The following ZC3H13 variants were observed in gnomAD, a reference collection of about 807,000 sequenced individuals.
ZC3H13 encodes the protein zinc finger CCCH-type containing 13.
In ZC3H13, 64 loss-of-function variants were observed where a neutral mutation model predicts 204.1. That is an observed-to-expected ratio of 0.31 (90% CI 0.26 to 0.39). The LOEUF is 0.39. Among genes scored for constraint, ZC3H13 ranks in the 10% least tolerant of loss-of-function variants. The pLI, the probability that ZC3H13 is intolerant of heterozygous loss-of-function variation, is 1.00. For synonymous variants in ZC3H13, 667 were observed against 693.7 expected (o/e 0.96, Z 0.60); for missense variants, 1,833 against 2,082.7 (o/e 0.88, Z 2.33).
intron 10 of ZC3H13, among the ~76,000 whole-genome samples, chr13:45,980,876 G>A (rs1289742610): frequency 6.6e-6 from 1 of 152,112 alleles, no homozygotes; most frequent in Non-Finnish European, 1.5e-5. Flanking sequence ...GCTACATACA[G>A]ACATACACCC....
intron 11 of ZC3H13, among the ~76,000 whole-genome samples, chr13:45,979,373 C>T (rs1953351299): frequency 6.6e-6 from 1 of 152,052 alleles, no homozygotes; most frequent in Non-Finnish European, 1.5e-5. Context: ...CAATCCCCAG[C>T]CCTATCATTC....
In ZC3H13 at chr13:45,957,169, T is replaced by C; in HGVS notation, c.4968A>G (p.Lys1656=). The part of the protein sequence containing the change: ...APGHEKTEDN[K]LSQSSIQQEL... Reference sequence around the variant, plus strand: ...CCTGTTGGATACTGGACTGTGAAAGTTTATTATCTTCAGTCTTTTCATGTC... The same window carrying C: ...CCTGTTGGATACTGGACTGTGAAAGCTTATTATCTTCAGTCTTTTCATGTC... Residue 1656 remains lysine, a synonymous_variant, in exon 19 of 19, where the codon AAA becomes AAG. Transcript: ENST00000679008. 1 of 1,547,366 alleles carries C rather than the reference T, an allele frequency of 6.5e-7. No individual in the cohort carries two copies. Among genetic ancestry groups the C allele is most frequent in the Non-Finnish European group, 8.7e-7 (1 of 1,145,336 alleles).
chr13:46,015,085 G>A (rs1566289083), intron 5 of ZC3H13, among the ~76,000 whole-genome samples: 1 of 152,084 alleles, frequency 6.6e-6, no homozygotes, highest in Admixed American at 6.6e-5. Context: ...TACATTGCTA[G>A]ACTGAAAATA....
At chr13:45,979,134 T>C (rs1457368198) in intron 11 of ZC3H13, among the ~76,000 whole-genome samples, 1 of 152,084 alleles carries the variant, frequency 6.6e-6, no homozygotes, top group African/African-American at 2.4e-5. Context: ...CTTCATAAAA[T>C]TTTTAATGTT....
rs756309248 is a variant in ZC3H13 at position 45,988,839 on chromosome 13, A to G, written c.1203T>C (p.His401=). The G allele has an allele frequency of 1.9e-6, 3 of 1,614,194 alleles. No homozygotes were observed. Among genetic ancestry groups the G allele is most frequent in the East Asian group, 2.2e-5 (1 of 44,880 alleles). The change falls in exon 9 of 19, where the codon CAT becomes CAC. Residue 401 remains histidine (H), a synonymous_variant. Coordinates refer to ENST00000679008, the MANE Select transcript of ZC3H13 (RefSeq NM_001330564.2). ...GAGACTGTGAAGTTCGTTCATGATC[A>G]TGTCTCCCTTTCTCTCGCATTGGAG... ...HRSPMREKGR[H]DHERTSQSHD... is the part of the protein sequence containing the mutation.
At chr13:45,958,698 C>T (rs1951458824) in intron 18 of ZC3H13, among the ~76,000 whole-genome samples, 1 of 146,694 alleles carries the variant, frequency 6.8e-6, no homozygotes, top group Non-Finnish European at 1.5e-5. Context: ...CTTTGTCGCC[C>T]AGGCTGGAGT....
intron 10 of ZC3H13, among the ~76,000 whole-genome samples, chr13:45,980,390 G>A (rs1325651422): frequency 6.6e-6 from 1 of 152,142 alleles, no homozygotes; most frequent in South Asian, 2.1e-4. Context: ...AGTTTACAGT[G>A]AAAACATTCC....
At chr13:45,968,149 A>T in intron 14 of ZC3H13, 121 bp from the exon 15 acceptor site, 1 of 974,544 alleles carries the variant, frequency 1.0e-6, no homozygotes, top group Non-Finnish European at 1.5e-6. Context: ...GTAACTTTCT[A>T]TGTTCCATAT....
chr13:46,007,474 A>T (rs1325759102), intron 7 of ZC3H13, among the ~76,000 whole-genome samples: 2 of 152,252 alleles, frequency 1.3e-5, no homozygotes, highest in African/African-American at 2.4e-5. Context: ...CCATCTGTCA[A>T]TCAGAAACAC....
intron 8 of ZC3H13, among the ~76,000 whole-genome samples, chr13:46,000,628 C>G (rs1390514410): frequency 1.3e-5 from 2 of 152,194 alleles, no homozygotes; most frequent in Non-Finnish European, 2.9e-5. Flanking sequence ...TTATCCAGCC[C>G]ACTCAAACTT....
intron 4 of ZC3H13, among the ~76,000 whole-genome samples, chr13:46,030,643 G>A (rs2042834930): frequency 2.0e-5 from 3 of 151,920 alleles, no homozygotes; most frequent in Non-Finnish European, 2.9e-5. Flanking sequence ...ACACATAAAA[G>A]TCAATCACTT....
chr13:46,035,737 T>C (rs2139053946), intron 4 of ZC3H13, among the ~76,000 whole-genome samples: 1 of 152,372 alleles, frequency 6.6e-6, no homozygotes, highest in East Asian at 1.9e-4. Context: ...AAGAATTTTA[T>C]ACGTACTTCT....
At chr13:46,029,905 T>C (rs1295918112) in intron 4 of ZC3H13, among the ~76,000 whole-genome samples, 1 of 152,234 alleles carries the variant, frequency 6.6e-6, no homozygotes, top group Non-Finnish European at 1.5e-5. Flanking sequence ...TATGGAAATC[T>C]GCTTGACTGA....
intron 5 of ZC3H13, among the ~76,000 whole-genome samples, chr13:46,014,167 T>A (rs544920334): frequency 2.8e-4 from 42 of 152,344 alleles, no homozygotes; most frequent in African/African-American, 5.0e-4. Context: ...CAACTTTTTT[T>A]AAAATTTATT....
chr13:46,004,423 C>T (rs1010699893), intron 7 of ZC3H13, among the ~76,000 whole-genome samples: 8 of 151,932 alleles, frequency 5.3e-5, no homozygotes, highest in African/African-American at 1.9e-4. Context: ...GCCTGTAATC[C>T]CAGCTACTCC....
Position 45,959,544 on chromosome 13 carries a change from C to G in ZC3H13, c.4778G>C (p.Cys1593Ser). 1 of 1,548,852 alleles carries G rather than the reference C, an allele frequency of 6.5e-7. No homozygotes were observed. Among genetic ancestry groups the G allele is most frequent in the Non-Finnish European group, 8.7e-7 (1 of 1,146,264 alleles). Residue 1593 changes from cysteine to serine, a missense_variant, in exon 18 of 19, where the codon TGT becomes TCT. This residue lies in a region of ZC3H13 where 211 missense variants were observed against 228.4 expected (regional missense o/e 0.92). Transcript: ENST00000679008. ...ASLLSNLGPC[C>S]KALCFRRDSA... is the part of the protein sequence containing the mutation. ...ATCCCGTCTGAAGCACAACGCCTTA[C>G]AACATGGGCCAAGATTACTAAGAAG...
chr13:45,985,206 TAAC>T, intron 10 of ZC3H13, 88 bp downstream of exon 10: 2 of 1,266,568 alleles, frequency 1.6e-6, no homozygotes, highest in South Asian at 1.6e-5. Flanking sequence ...GACAAAATGA[TAAC>T]AAATGTAAGA....
At position 45,975,147 on chromosome 13, in the gene ZC3H13, T is replaced by C. The variant is rs972819919; in HGVS notation, c.2468+136A>G. The C allele has an allele frequency of 2.9e-6, 4 of 1,386,392 alleles. No individual in the cohort carries two copies. The African/African-American group carries it at 5.9e-5, about 20-fold the overall frequency. 85.9% of individuals were successfully genotyped at this position (1,386,392 alleles called of 1,614,324 possible). ...AAACTTTAAACACCGATACATATAC[T>C]AAATTTGAAAAACAGGAAAATATAC... is the stretch of plus-strand genomic sequence containing the variant. On this transcript the variant is annotated intron_variant, in intron 12 of 18. Transcript: ENST00000679008.
At chr13:46,040,388 C>T (rs2043493390) in intron 4 of ZC3H13, among the ~76,000 whole-genome samples, 1 of 151,886 alleles carries the variant, frequency 6.6e-6, no homozygotes, top group Non-Finnish European at 1.5e-5. Context: ...ACTGGATATC[C>T]ACATGCAAAA....
Sources: gnomAD v4.1 joint callset for allele counts (sites outside exome capture counted in the v4.1 genomes callset) on GRCh38, gnomAD v4.1.1 for gene constraint, gnomAD v4.1.1 regional missense constraint, MANE v1.5 for transcripts, NCBI Gene and HGNC (gene_info 2026-07-23, HGNC 2026-07-21) for gene names.